Variants in RAB27B observed in about 807,000 individuals in gnomAD.
RAB27B encodes the protein RAB27B, member RAS oncogene family, also known as ras-related protein Rab-27B.
Under a neutral mutation model 24.6 loss-of-function variants are expected in RAB27B, and 15 were observed. The observed-to-expected ratio is 0.61, with a 90% CI of 0.41 to 0.94. The LOEUF (loss-of-function observed/expected upper bound fraction) is 0.94. Ranked by LOEUF, RAB27B falls within the 40% of genes least tolerant of loss-of-function variation. The pLI, the probability that RAB27B is intolerant of heterozygous loss-of-function variation, is 0.00. For synonymous variants in RAB27B, 105 were observed against 92.5 expected, an observed-to-expected ratio of 1.14 and a Z score of -0.78; for missense variants, 261 against 266.8, an observed-to-expected ratio of 0.98 and a Z score of 0.15.
chr18:54,864,168 C>T (rs1912119317), intron 1 of RAB27B, among the ~76,000 whole-genome samples: 1 of 152,228 alleles, frequency 6.6e-6, no homozygotes, highest in South Asian at 2.1e-4. Context: ...TCCTCACCAA[C>T]ACTTGTTACT....
Position 54,807,920 on chromosome 18 carries a change from C to T in RAB27B, c.-19-69647C>T, listed in dbSNP as rs185698010. 3.9e-5 allele frequency among the ~76,000 whole-genome samples: 6 copies of T among 152,234 alleles called. No individual in the cohort carries two copies. The East Asian group carries it at 9.7e-4, about 25-fold the overall frequency. On this transcript the variant is annotated intron_variant, in intron 2 of 4. Coordinates refer to the RAB27B transcript ENST00000586570. ...TCAGGGGATATCATCTATCTCTGAA[C>T]GTAGGAATCCATATTACTTGGTCTT... is the stretch of plus-strand genomic sequence containing the variant.
chr18:54,884,906 C>T (rs972510415), intron 4 of RAB27B, among the ~76,000 whole-genome samples: 2 of 152,092 alleles, frequency 1.3e-5, no homozygotes, highest in Admixed American at 1.3e-4. Flanking sequence ...AGACCAGTCG[C>T]ATGATGATAA....
rs531004163 is a variant in RAB27B, at chr18:54,778,843, CCTT to C, written c.-20+60703_-20+60705del. On this transcript the variant is annotated intron_variant, in intron 2 of 4. Coordinates refer to the RAB27B transcript ENST00000586570. ...CTCTTTACTTTCTATACAGTTAAGT[CCTT>C]TTTTTTTTTTTCTTAGACAGAGTCT... Among the ~76,000 whole-genome samples, 515 of 149,908 alleles carry C rather than the reference CCTT, an allele frequency of 3.4e-3. 2 individuals are homozygous for C. The highest frequency in any genetic ancestry group is 5.7e-3 in the Non-Finnish European group (384 of 67,858).
At chr18:54,845,843 A>T (rs1396527984) in intron 1 of RAB27B, among the ~76,000 whole-genome samples, 2 of 152,174 alleles carry the variant, frequency 1.3e-5, no homozygotes, top group African/African-American at 4.8e-5. Flanking sequence ...TGTATTTGCA[A>T]ATCTGCCTGC....
At chr18:54,856,152 C>T (rs964540303) in intron 1 of RAB27B, among the ~76,000 whole-genome samples, 2 of 152,130 alleles carry the variant, frequency 1.3e-5, no homozygotes, top group African/African-American at 4.8e-5. Flanking sequence ...TGAATGGGAG[C>T]CTTCTTTAGA....
chr18:54,796,349 G>A (rs891865867), intron 2 of RAB27B, among the ~76,000 whole-genome samples: 2 of 152,210 alleles, frequency 1.3e-5, no homozygotes, highest in Non-Finnish European at 2.9e-5. Context: ...TAGACCCTCT[G>A]TCTTATCGTA....
rs1031506814 is a variant in RAB27B at position 54,812,194 on chromosome 18, G to T, written c.-19-65373G>T. Among the ~76,000 whole-genome samples, 3 of 152,262 alleles carry T rather than the reference G, an allele frequency of 2.0e-5. No homozygotes were observed. The East Asian group carries it at 5.8e-4, about 29-fold the overall frequency. The stretch of plus-strand genomic sequence containing the variant: ...ATGGAGAAAAGATAAACATGTTGTT[G>T]TATTAAACAGAATTTTAGAATCTGG... On this transcript the variant is annotated intron_variant, in intron 2 of 4. Coordinates refer to the RAB27B transcript ENST00000586570.
rs776288046 is a variant in RAB27B, at chr18:54,877,648, G to A, written c.63G>A (p.Gly21=). The A allele has an allele frequency of 1.3e-6, 2 of 1,596,892 alleles. No homozygotes were observed. Among genetic ancestry groups the A allele is most frequent in the Admixed American group, 1.8e-5 (1 of 55,202 alleles). Residue 21 remains glycine (G), a synonymous_variant, in exon 2 of 6, where the codon GGG becomes GGA. Transcript: ENST00000262094. ...TGGCCCTCGGGGATTCAGGGGTGGGGAAGACAACATTTCTTTATAGATACA... is the reference window on the plus strand; with the variant it reads ...TGGCCCTCGGGGATTCAGGGGTGGGAAAGACAACATTTCTTTATAGATACA... The part of the protein sequence containing the change: ...KLLALGDSGV[G]KTTFLYRYTD...
chr18:54,782,281 A>G (rs1295270896), intron 2 of RAB27B, among the ~76,000 whole-genome samples: 2 of 152,240 alleles, frequency 1.3e-5, no homozygotes, highest in Non-Finnish European at 2.9e-5. Flanking sequence ...TTTACAAAAC[A>G]AAATGTATTG....
rs188831936 is a variant in RAB27B at position 54,755,794 on chromosome 18, T to C, written c.-20+37653T>C. 6.8e-4 allele frequency among the ~76,000 whole-genome samples: 104 copies of C among 152,332 alleles called. 1 individual carries two copies. Among genetic ancestry groups the C allele is most frequent in the African/African-American group, 2.3e-3 (95 of 41,584 alleles). On this transcript the variant is annotated intron_variant, in intron 2 of 4. Transcript: ENST00000586570. ...CCTGTTTTAGCACAGCCATCAGAGT[T>C]CCATCAGTCAAATGAATGTGTAGGA...
chr18:54,894,517 A>T lies in RAB27B; in HGVS notation c.*5104A>T, dbSNP rs1913494141. Reference sequence around the variant, plus strand: ...AAAGTAATAACATATGCTTATCTTTATTCTTTTTCCAGGTGATTTTGTTTT... The same window carrying T: ...AAAGTAATAACATATGCTTATCTTTTTTCTTTTTCCAGGTGATTTTGTTTT... On this transcript the variant is annotated 3_prime_UTR_variant, in exon 6 of 6. Transcript: ENST00000262094. 2 of 152,036 alleles carry T rather than the reference A, an allele frequency of 1.3e-5. No homozygotes were observed. The highest frequency in any genetic ancestry group is 2.9e-5 in the Non-Finnish European group (2 of 67,936). 9.4% of individuals were successfully genotyped at this position (152,036 alleles called of 1,614,324 possible). A position where few individuals can be genotyped will look rare whatever the true frequency, so the allele number is the denominator to read the frequency against.
chr18:54,881,339 G>A lies in RAB27B; in HGVS notation c.239+1885G>A, dbSNP rs145193451. ...TGGCAGGGGTGGGTTCTAAAGGGGA[G>A]GGCTGGAAAGTCCTTGGACGTGGGC... is the stretch of plus-strand genomic sequence containing the variant. On this transcript the variant is annotated intron_variant, in intron 3 of 5. Coordinates refer to ENST00000262094, the MANE Select transcript of RAB27B (RefSeq NM_004163.4). 4.6e-3 allele frequency among the ~76,000 whole-genome samples: 695 copies of A among 152,204 alleles called. 2 individuals are homozygous for A. The highest frequency in any genetic ancestry group is 7.6e-3 in the Non-Finnish European group (519 of 67,994).
At chr18:54,778,860 TAGAC>T (rs1204226470) in intron 2 of RAB27B, among the ~76,000 whole-genome samples, 4 of 152,004 alleles carry the variant, frequency 2.6e-5, no homozygotes, top group East Asian at 3.9e-4. Flanking sequence ...TTTTTTTTCT[TAGAC>T]AGAGTCTTAC....
At chr18:54,866,829 C>T (rs945934692) in intron 1 of RAB27B, among the ~76,000 whole-genome samples, 9 of 152,294 alleles carry the variant, frequency 5.9e-5, no homozygotes, top group African/African-American at 1.9e-4. Context: ...TGTGGGGCAG[C>T]TCCTCGTATT....
At chr18:54,744,556 TATG>T (rs1191582053) in intron 2 of RAB27B, among the ~76,000 whole-genome samples, 1 of 152,208 alleles carries the variant, frequency 6.6e-6, no homozygotes, top group Non-Finnish European at 1.5e-5. Context: ...GGGTAATGGA[TATG>T]ATAATTATTC....
intron 2 of RAB27B, among the ~76,000 whole-genome samples, chr18:54,721,197 A>G (rs1909347924): frequency 6.6e-6 from 1 of 152,182 alleles, no homozygotes. Context: ...TCAGTTTTTG[A>G]GTGTAAAGGA....
chr18:54,791,588 G>A (rs112243156), intron 2 of RAB27B, among the ~76,000 whole-genome samples: 3,355 of 152,242 alleles, frequency 0.022, 122 homozygotes, highest in African/African-American at 0.076. Flanking sequence ...AGAGGAGGGC[G>A]TGGTCCCTGG....
chr18:54,758,977 C>G (rs1355048468), intron 2 of RAB27B, among the ~76,000 whole-genome samples: 2 of 152,180 alleles, frequency 1.3e-5, no homozygotes, highest in African/African-American at 4.8e-5. Context: ...ACAAACTCAA[C>G]CCCAATTTCT....
At chr18:54,819,793 C>T (rs112867793) in intron 2 of RAB27B, among the ~76,000 whole-genome samples, 1 of 140,972 alleles carries the variant, frequency 7.1e-6, no homozygotes, top group East Asian at 2.2e-4. Context: ...ACAACAGGCT[C>T]CCGTGTGTGA....
Sources: gnomAD v4.1 joint callset for allele counts (sites outside exome capture counted in the v4.1 genomes callset) on GRCh38, gnomAD v4.1.1 for gene constraint, MANE v1.5 for transcripts, NCBI Gene and HGNC (gene_info 2026-07-23, HGNC 2026-07-21) for gene names.